Variants in HECW1 observed in about 807,000 individuals in gnomAD.
HECW1 encodes the protein HECT, C2 and WW domain containing E3 ubiquitin protein ligase 1.
In HECW1, 61 loss-of-function variants were observed where a neutral mutation model predicts 182.3. That is an observed-to-expected ratio of 0.33 (90% CI 0.27 to 0.41). The LOEUF is 0.41. Among genes scored for constraint, HECW1 ranks in the 10% least tolerant of loss-of-function variants. The probability of loss-of-function intolerance (pLI) is 1.00; values close to 1 mark genes in which losing one functional copy is unlikely to be tolerated. For synonymous variants in HECW1, 859 were observed against 832.6 expected, an observed-to-expected ratio of 1.03 and a Z score of -0.55; for missense variants, 1,739 against 2,108.9, an observed-to-expected ratio of 0.82 and a Z score of 3.44.
intron 2 of HECW1, among the ~76,000 whole-genome samples, chr7:43,137,165 G>A (rs1787631039): frequency 1.3e-5 from 2 of 151,962 alleles, no homozygotes; most frequent in African/African-American, 2.4e-5. Flanking sequence ...GGGTTCAATC[G>A]CTTCATGTCT....
intron 2 of HECW1, among the ~76,000 whole-genome samples, chr7:43,230,757 CAGAG>C (rs1468672612): frequency 3.9e-5 from 6 of 151,946 alleles, no homozygotes; most frequent in Admixed American, 6.6e-5. Flanking sequence ...CTCTCACATA[CAGAG>C]AGACAGAAAA....
At chr7:43,148,262 G>A (rs1348022134) in intron 2 of HECW1, among the ~76,000 whole-genome samples, 5 of 152,132 alleles carry the variant, frequency 3.3e-5, no homozygotes, top group African/African-American at 1.2e-4. Context: ...TTCTGTGTCT[G>A]GCCAAAATGC....
rs187087846 is a variant in HECW1 at position 43,523,599 on chromosome 7, A to G, written c.4019+14478A>G. On this transcript the variant is annotated intron_variant, in intron 24 of 29. Transcript: ENST00000395891. ...GGTTGCAGTGAGCAGAGATCTCGCC[A>G]TTGCACTCCAGCCTGAGCAACAAGA... Among the ~76,000 whole-genome samples the G allele has an allele frequency of 3.6e-3, 543 of 152,242 alleles. 4 individuals carry two copies. The highest frequency in any genetic ancestry group is 0.012 in the African/African-American group (507 of 41,546).
At chr7:43,549,343 GAA>G (rs2081703363) in intron 26 of HECW1, among the ~76,000 whole-genome samples, 1 of 152,204 alleles carries the variant, frequency 6.6e-6, no homozygotes, top group African/African-American at 2.4e-5. Flanking sequence ...AGTGATAAAA[GAA>G]AAAGTCACCA....
chr7:43,174,269 C>G (rs540560025), intron 2 of HECW1, among the ~76,000 whole-genome samples: 9 of 152,304 alleles, frequency 5.9e-5, no homozygotes, highest in African/African-American at 2.2e-4. Flanking sequence ...ATCATCATTG[C>G]TACTGGAGGA....
chr7:43,139,021 A>G (rs1353945378), intron 2 of HECW1, among the ~76,000 whole-genome samples: 1 of 152,128 alleles, frequency 6.6e-6, no homozygotes, highest in Non-Finnish European at 1.5e-5. Context: ...AACATTTAGT[A>G]TTTTAGCATT....
chr7:43,367,742 C>A (rs1163755472), intron 6 of HECW1, among the ~76,000 whole-genome samples: 3 of 152,106 alleles, frequency 2.0e-5, no homozygotes, highest in Non-Finnish European at 4.4e-5. Flanking sequence ...AACTTTGTCT[C>A]CATTCTCAAA....
chr7:43,260,527 C>T (rs1459106180), intron 3 of HECW1, among the ~76,000 whole-genome samples: 1 of 152,196 alleles, frequency 6.6e-6, no homozygotes, highest in African/African-American at 2.4e-5. Context: ...CAGATCACTT[C>T]TGCTGTCATG....
At chr7:43,266,030 G>A (rs1436559334) in intron 3 of HECW1, among the ~76,000 whole-genome samples, 2 of 152,094 alleles carry the variant, frequency 1.3e-5, no homozygotes, top group Non-Finnish European at 2.9e-5. Context: ...GAGCACCCCT[G>A]GGCCACATCA....
At chr7:43,505,159 G>A (rs1285170102) in intron 21 of HECW1, among the ~76,000 whole-genome samples, 1 of 152,046 alleles carries the variant, frequency 6.6e-6, no homozygotes, top group East Asian at 1.9e-4. Context: ...TCCAGACAAA[G>A]GGACTATCAT....
At chr7:43,307,543 G>A (rs12533506) in intron 3 of HECW1, among the ~76,000 whole-genome samples, 20,250 of 152,194 alleles carry the variant, frequency 0.13, 1,445 homozygotes, top group Middle Eastern at 0.21. Flanking sequence ...TGTCTAGGAA[G>A]ACAGTGGCCT....
intron 2 of HECW1, among the ~76,000 whole-genome samples, chr7:43,122,945 T>A (rs1785791332): frequency 6.6e-6 from 1 of 152,262 alleles, no homozygotes. Flanking sequence ...TGAGCTATTA[T>A]GTGAAAAGCA....
At chr7:43,467,677 T>G (rs1452312813) in intron 15 of HECW1, among the ~76,000 whole-genome samples, 3 of 151,744 alleles carry the variant, frequency 2.0e-5, no homozygotes, top group African/African-American at 7.3e-5. Flanking sequence ...AAGGAAGGGG[T>G]GGGAGCATGG....
chr7:43,241,629 T>TGTG (rs1387536572), intron 2 of HECW1: 2 of 151,006 alleles, frequency 1.3e-5, no homozygotes, highest in East Asian at 3.9e-4. Flanking sequence ...TGTGTGTGTG[T>TGTG]GTGTGTGTGT....
chr7:43,540,172 G>T (rs141952534), intron 24 of HECW1, among the ~76,000 whole-genome samples: 245 of 152,306 alleles, frequency 1.6e-3, no homozygotes, highest in African/African-American at 5.6e-3. Flanking sequence ...AGCAGCTATA[G>T]AGTAGGAAAC....
chr7:43,361,852 A>G (rs1815967963), intron 6 of HECW1, among the ~76,000 whole-genome samples: 1 of 148,170 alleles, frequency 6.7e-6, no homozygotes, highest in Admixed American at 6.7e-5. Flanking sequence ...ACATTAAAAA[A>G]AAAACAGGCC....
intron 24 of HECW1, among the ~76,000 whole-genome samples, chr7:43,514,071 G>A (rs1004969407): frequency 6.6e-6 from 1 of 152,156 alleles, no homozygotes; most frequent in Admixed American, 6.5e-5. Flanking sequence ...TCCAGATACT[G>A]CAACCCACAG....
rs1380331690 is a variant in HECW1, at chr7:43,564,676, CAAAG to C, written c.*2752_*2755del. The C allele has an allele frequency of 1.1e-5, 2 of 180,444 alleles. No homozygotes were observed. The highest frequency in any genetic ancestry group is 9.1e-5 in the East Asian group (1 of 10,944). The allele number at this position is 180,444 out of a possible 1,614,324, so 11.2% of individuals were successfully genotyped here. The stretch of plus-strand genomic sequence containing the variant: ...GCATAGAATCCTTAAGGAAGAAAAA[CAAAG>C]AGAAGAGGAACACAGAAACAAGTTA... On this transcript the variant is annotated 3_prime_UTR_variant, in exon 30 of 30. Transcript: ENST00000395891.
chr7:43,118,458 A>G lies in HECW1; in HGVS notation c.-32+4067A>G, dbSNP rs140097642. On this transcript the variant is annotated intron_variant, in intron 2 of 29. Coordinates refer to ENST00000395891, the MANE Select transcript of HECW1 (RefSeq NM_015052.5). ...AGATGGGGAGAATAAAATTAAACAT[A>G]TAAGACCTTGCCATCAGTGCCGTCA... The G allele has an allele frequency of 6.6e-4, 101 of 152,682 alleles. 4 individuals carry two copies. The East Asian group carries it at 0.016, about 24-fold the overall frequency. The allele number at this position is 152,682 out of a possible 1,614,324, so 9.5% of individuals were successfully genotyped here.
Sources: gnomAD v4.1 joint callset for allele counts (sites outside exome capture counted in the v4.1 genomes callset) on GRCh38, gnomAD v4.1.1 for gene constraint, MANE v1.5 for transcripts, NCBI Gene and HGNC (gene_info 2026-07-23, HGNC 2026-07-21) for gene names.